The following KCNN2 variants were observed in gnomAD, a reference collection of about 807,000 sequenced individuals.
KCNN2 encodes small conductance calcium-activated potassium channel protein 2.
A neutral mutation model predicts 55.5 loss-of-function variants in KCNN2; 24 were observed. The observed-to-expected ratio is 0.43, with a 90% CI of 0.31 to 0.61. The LOEUF (loss-of-function observed/expected upper bound fraction) is 0.61. Among genes scored for constraint, KCNN2 ranks in the 20% least tolerant of loss-of-function variants. The pLI is 0.08. For missense variants in KCNN2, 754 were observed against 853.6 expected (o/e 0.88, Z 1.45); for synonymous variants, 431 against 336.1 (o/e 1.28, Z -3.09).
chr5:114,340,431 C>T (rs1756995216), intron 2 of KCNN2, among the ~76,000 whole-genome samples: 1 of 152,022 alleles, frequency 6.6e-6, no homozygotes, highest in African/African-American at 2.4e-5. Flanking sequence ...TATATATATA[C>T]ATTCACACAC....
At chr5:114,238,835 C>A (rs1198923050) in intron 2 of KCNN2, among the ~76,000 whole-genome samples, 1 of 151,998 alleles carries the variant, frequency 6.6e-6, no homozygotes, top group Non-Finnish European at 1.5e-5. Context: ...GAAGCATGGA[C>A]CTATTTTTTT....
intron 1 of KCNN2, among the ~76,000 whole-genome samples, chr5:114,149,252 G>A (rs1375224616): frequency 6.6e-6 from 1 of 152,096 alleles, no homozygotes; most frequent in Non-Finnish European, 1.5e-5. Flanking sequence ...CAGAAAAGGT[G>A]TACCTGGAGA....
At chr5:114,492,930 C>T (rs1747930382) in intron 6 of KCNN2, among the ~76,000 whole-genome samples, 3 of 151,294 alleles carry the variant, frequency 2.0e-5, no homozygotes, top group Admixed American at 6.6e-5. Context: ...ACTGTGTTTT[C>T]ATCAGGTTCA....
chr5:114,245,620 T>C (rs1464289035), intron 2 of KCNN2, among the ~76,000 whole-genome samples: 1 of 152,192 alleles, frequency 6.6e-6, no homozygotes, highest in Non-Finnish European at 1.5e-5. Flanking sequence ...CTAGAATGAT[T>C]TATCTGACTG....
At chr5:114,425,518 C>T (rs146165723) in intron 3 of KCNN2, among the ~76,000 whole-genome samples, 50 of 152,252 alleles carry the variant, frequency 3.3e-4, no homozygotes, top group African/African-American at 1.2e-3. Context: ...TAACCTTGCA[C>T]CCTCTCCCTT....
At chr5:114,283,809 T>C (rs1755677039) in intron 2 of KCNN2, among the ~76,000 whole-genome samples, 1 of 152,210 alleles carries the variant, frequency 6.6e-6, no homozygotes. Context: ...ACCTAGATGA[T>C]CTGCCAAAAT....
chr5:114,271,016 T>C (rs1159365092), intron 2 of KCNN2, among the ~76,000 whole-genome samples: 1 of 152,060 alleles, frequency 6.6e-6, no homozygotes, highest in Non-Finnish European at 1.5e-5. Flanking sequence ...CAAGATTTAT[T>C]GTGAAGAGTG....
At chr5:114,262,646 A>G (rs1755131256) in intron 2 of KCNN2, among the ~76,000 whole-genome samples, 1 of 152,240 alleles carries the variant, frequency 6.6e-6, no homozygotes, top group African/African-American at 2.4e-5. Flanking sequence ...TAAATTCTTC[A>G]TGGCATGAGA....
Position 114,456,466 on chromosome 5 carries a change from G to A in KCNN2, c.1638-6583G>A, listed in dbSNP as rs988219848. Among the ~76,000 whole-genome samples the A allele has an allele frequency of 3.3e-5, 5 of 152,206 alleles. No homozygotes were observed. The South Asian group carries it at 6.2e-4, about 19-fold the overall frequency. On this transcript the variant is annotated intron_variant, in intron 3 of 7. Transcript: ENST00000673685. ...ATGCACTTGGTCACCCAAGATCTCC[G>A]ATGGAGATGGACAAGATTAGTGTTG...
chr5:114,164,106 A>G (rs1752857028), intron 1 of KCNN2, among the ~76,000 whole-genome samples: 2 of 152,222 alleles, frequency 1.3e-5, no homozygotes, highest in Admixed American at 1.3e-4. Flanking sequence ...GAAGGATTAC[A>G]AAAGTATTCA....
intron 5 of KCNN2, among the ~76,000 whole-genome samples, chr5:114,479,223 C>T (rs1290465710): frequency 1.5e-5 from 1 of 68,824 alleles, no homozygotes; most frequent in Non-Finnish European, 3.1e-5. Flanking sequence ...CAAATGAAAA[C>T]TATAAAAAAA....
chr5:114,348,323 A>G (rs1757151038), intron 2 of KCNN2, among the ~76,000 whole-genome samples: 1 of 151,700 alleles, frequency 6.6e-6, no homozygotes, highest in Non-Finnish European at 1.5e-5. Flanking sequence ...CCTAATGCTA[A>G]ATGACGAGTT....
intron 1 of KCNN2, among the ~76,000 whole-genome samples, chr5:114,204,652 AG>A (rs147445736): frequency 0.017 from 2,660 of 152,308 alleles, 71 homozygotes; most frequent in African/African-American, 0.06. Flanking sequence ...TTCTTTACAC[AG>A]CATACTCAGT....
intron 1 of KCNN2, among the ~76,000 whole-genome samples, chr5:114,218,820 A>G (rs1754064640): frequency 6.6e-6 from 1 of 152,210 alleles, no homozygotes; most frequent in Non-Finnish European, 1.5e-5. Flanking sequence ...GGCTATGCAC[A>G]TGTGGGGCTA....
chr5:114,222,534 A>G (rs1221637592), intron 2 of KCNN2, among the ~76,000 whole-genome samples: 2 of 152,176 alleles, frequency 1.3e-5, no homozygotes, highest in African/African-American at 4.8e-5. Flanking sequence ...GGCAAACTGC[A>G]TTTTTCATGT....
chr5:114,239,275 G>T (rs550847006), intron 2 of KCNN2, among the ~76,000 whole-genome samples: 1 of 152,226 alleles, frequency 6.6e-6, no homozygotes, highest in East Asian at 1.9e-4. Flanking sequence ...GACATCAGGG[G>T]ATATATTTCA....
intron 1 of KCNN2, among the ~76,000 whole-genome samples, chr5:114,060,129 A>C (rs1372330561): frequency 1.3e-5 from 2 of 152,218 alleles, no homozygotes; most frequent in African/African-American, 4.8e-5. Flanking sequence ...ACCAGATATC[A>C]CATCCCATCA....
chr5:114,361,726 G>GC (rs1757427100), upstream of KCNN2, among the ~76,000 whole-genome samples: 1 of 152,286 alleles, frequency 6.6e-6, no homozygotes, highest in South Asian at 2.1e-4. Context: ...AGTCAAGGGG[G>GC]CAGCGGCACG....
chr5:114,465,876 T>C (rs1020927195), intron 4 of KCNN2, among the ~76,000 whole-genome samples: 20 of 152,216 alleles, frequency 1.3e-4, no homozygotes, highest in African/African-American at 4.6e-4. Flanking sequence ...TGAGATGCTC[T>C]GTAGAGTTGG....
Sources: allele counts gnomAD v4.1 joint callset (sites outside exome capture counted in the v4.1 genomes callset), GRCh38; gene constraint gnomAD v4.1.1; transcripts MANE v1.5; gene names NCBI Gene and HGNC (gene_info 2026-07-23, HGNC 2026-07-21).